DHRS4L2: variants seen among roughly 807,000 people sequenced by gnomAD.
The protein encoded by DHRS4L2 is dehydrogenase/reductase SDR family member 4-like 2.
DHRS4L2 carries 22 observed loss-of-function variants against 23.9 expected under a neutral mutation model. The observed-to-expected ratio is 0.92, with a 90% CI of 0.66 to 1.31. The LOEUF is 1.31. Ranked by LOEUF, DHRS4L2 falls within the 40% of genes most tolerant of loss-of-function variation. DHRS4L2 has a pLI of 0.00. For synonymous variants in DHRS4L2, 141 were observed against 123.7 expected (o/e 1.14, Z -0.93); for missense variants, 385 against 303.3 (o/e 1.27, Z -2.00).
At chr14:23,993,369 G>T (rs1415930354) in intron 2 of DHRS4L2, among the ~76,000 whole-genome samples, 1 of 151,666 alleles carries the variant, frequency 6.6e-6, no homozygotes, top group Non-Finnish European at 1.5e-5. Context: ...TCCTTCCACT[G>T]TCTAGAAACA....
upstream of DHRS4L2, among the ~76,000 whole-genome samples, chr14:23,986,657 G>T (rs1429930399): frequency 6.6e-6 from 1 of 151,510 alleles, no homozygotes; most frequent in Non-Finnish European, 1.5e-5. Flanking sequence ...TTGAAGTGTG[G>T]TCTTCCTCAC....
intron 1 of DHRS4L2, among the ~76,000 whole-genome samples, chr14:23,989,721 A>G (rs2034226740): frequency 6.6e-6 from 1 of 151,796 alleles, no homozygotes; most frequent in South Asian, 2.1e-4. Context: ...CCAAGGCAAT[A>G]TTTACGTTTT....
upstream of DHRS4L2, among the ~76,000 whole-genome samples, chr14:23,984,849 G>C (rs1034984067): frequency 3.3e-5 from 5 of 149,590 alleles, no homozygotes; most frequent in African/African-American, 9.9e-5. Flanking sequence ...CACAGTCCTT[G>C]GTGGACTGAA....
In DHRS4L2 at chr14:24,004,410, C is replaced by T. The variant is rs1479981612; in HGVS notation, c.*22+18C>T. 6.3e-7 allele frequency: 1 copy of T among 1,595,728 alleles called. No individual in the cohort carries two copies. The highest frequency in any genetic ancestry group is 2.3e-5 in the East Asian group (1 of 43,862). On this transcript the variant is annotated intron_variant, in intron 7 of 7. Coordinates refer to ENST00000335125, the MANE Select transcript of DHRS4L2 (RefSeq NM_198083.4). ...ATAAGAAGGTAAACTGTCATGAGGGCAAGGGCACTAAGAGACATGAAGATG... is the reference window on the plus strand; with the variant it reads ...ATAAGAAGGTAAACTGTCATGAGGGTAAGGGCACTAAGAGACATGAAGATG...
At chr14:23,985,188 T>C (rs1401523218), upstream of DHRS4L2, among the ~76,000 whole-genome samples, 1 of 151,650 alleles carries the variant, frequency 6.6e-6, no homozygotes, top group African/African-American at 2.4e-5. Flanking sequence ...TGATAAACAG[T>C]TGGCTGTTTG....
At chr14:23,988,311 A>C (rs2034190038), upstream of DHRS4L2, among the ~76,000 whole-genome samples, 2 of 148,224 alleles carry the variant, frequency 1.3e-5, no homozygotes, top group Admixed American at 1.4e-4. Context: ...GAGGGATATG[A>C]GATCCTGTTT....
At chr14:23,985,314 A>C (rs1183973520), upstream of DHRS4L2, among the ~76,000 whole-genome samples, 1 of 151,672 alleles carries the variant, frequency 6.6e-6, no homozygotes, top group African/African-American at 2.4e-5. Context: ...TCTAAAAAGC[A>C]CTTAACACTT....
chr14:23,970,352 G>GA (rs1466396246), intron 1 of DHRS4L2: 2 of 411,190 alleles, frequency 4.9e-6, no homozygotes, highest in African/African-American at 4.9e-5. Flanking sequence ...AGAGGGCGGT[G>GA]GGGGGCGGGG....
chr14:23,973,057 G>A (rs1466069343), intron 1 of DHRS4L2, among the ~76,000 whole-genome samples: 1 of 151,874 alleles, frequency 6.6e-6, no homozygotes, highest in Non-Finnish European at 1.5e-5. Flanking sequence ...GAGACATTTA[G>A]TTCCCATGGG....
At chr14:23,972,478 C>A (rs1198498290) in intron 1 of DHRS4L2, among the ~76,000 whole-genome samples, 1 of 151,860 alleles carries the variant, frequency 6.6e-6, no homozygotes, top group Non-Finnish European at 1.5e-5. Context: ...GCAGTGTGGA[C>A]CCAAAGAGTG....
intron 2 of DHRS4L2, among the ~76,000 whole-genome samples, chr14:23,994,245 G>T (rs543296658): frequency 1.3e-5 from 2 of 151,798 alleles, no homozygotes; most frequent in Admixed American, 1.3e-4. Context: ...AATGTGGGTG[G>T]AACTCAGTGT....
chr14:23,998,564 G>C (rs1701873882), intron 3 of DHRS4L2, among the ~76,000 whole-genome samples: 2 of 150,946 alleles, frequency 1.3e-5, no homozygotes, highest in African/African-American at 4.8e-5. Flanking sequence ...GCTTCATCTT[G>C]CACTTTTATG....
At position 23,995,190 on chromosome 14, in the gene DHRS4L2, T is replaced by G. The variant is rs1013879066; in HGVS notation, c.408+57T>G. Reference sequence around the variant, plus strand: ...GCCTCGGGACACATTCAGCACAAACTCCATCTGCTTTTAGAATGCATTTCT... The same window carrying G: ...GCCTCGGGACACATTCAGCACAAACGCCATCTGCTTTTAGAATGCATTTCT... On this transcript the variant is annotated intron_variant, in intron 3 of 7. Coordinates refer to ENST00000335125, the MANE Select transcript of DHRS4L2 (RefSeq NM_198083.4). 5.1e-5 allele frequency: 80 copies of G among 1,580,100 alleles called. 1 individual carries two copies. Among genetic ancestry groups the G allele is most frequent in the Admixed American group, 1.2e-4 (7 of 59,866 alleles).
chr14:24,004,249 A>C, intron 6 of DHRS4L2, 88 bp from the exon 7 acceptor site: 1 of 1,471,988 alleles, frequency 6.8e-7, no homozygotes, highest in Non-Finnish European at 9.0e-7. Context: ...GGCCTGGGCA[A>C]AAGAGCAAGA....
Position 24,001,068 on chromosome 14 carries a change from C to T in DHRS4L2, c.515C>T (p.Ala172Val), listed in dbSNP as rs138190990. 2.2e-5 allele frequency: 36 copies of T among 1,611,150 alleles called. 1 individual carries two copies. Among genetic ancestry groups the T allele is most frequent in the Admixed American group, 5.0e-5 (3 of 59,948 alleles). Residue 172 changes from alanine to valine, a missense_variant, in exon 5 of 8, where the codon GCC becomes GTC. Transcript: ENST00000335125. Reference protein sequence around the residue: ...GSVVIVSSIAAFSPSPGFSPY... With the variant: ...GSVVIVSSIAVFSPSPGFSPY... ...GTGGTGATCGTGTCTTCCATAGCAGCCTTCAGTCCATCTCCTGTAAGAACC... is the reference window on the plus strand; with the variant it reads ...GTGGTGATCGTGTCTTCCATAGCAGTCTTCAGTCCATCTCCTGTAAGAACC...
intron 3 of DHRS4L2, among the ~76,000 whole-genome samples, chr14:23,997,644 C>T (rs1413941427): frequency 6.8e-6 from 1 of 146,924 alleles, no homozygotes; most frequent in Non-Finnish European, 1.5e-5. Flanking sequence ...CCGTACGAAC[C>T]AGCTCCTCAG....
intron 1 of DHRS4L2, among the ~76,000 whole-genome samples, chr14:23,976,226 T>C (rs973183463): frequency 4.0e-5 from 6 of 151,878 alleles, no homozygotes; most frequent in African/African-American, 1.4e-4. Context: ...AGGTCTAATA[T>C]TCAGAATCTA....
intron 1 of DHRS4L2, among the ~76,000 whole-genome samples, chr14:23,977,663 A>G (rs1165626854): frequency 6.6e-6 from 1 of 151,750 alleles, no homozygotes; most frequent in Non-Finnish European, 1.5e-5. Context: ...TTCTCAAATT[A>G]TAGATGAACT....
At chr14:23,981,648 G>C (rs1168444747) in intron 1 of DHRS4L2, among the ~76,000 whole-genome samples, 3 of 151,580 alleles carry the variant, frequency 2.0e-5, no homozygotes, top group Non-Finnish European at 4.4e-5. Flanking sequence ...ACTGGCACCA[G>C]TCTCTGAGTT....
Sources: gnomAD v4.1 joint callset for allele counts (sites outside exome capture counted in the v4.1 genomes callset) on GRCh38, gnomAD v4.1.1 for gene constraint, MANE v1.5 for transcripts, NCBI Gene and HGNC (gene_info 2026-07-23, HGNC 2026-07-21) for gene names.